The following DDHD1 variants were observed in gnomAD, a reference collection of about 807,000 sequenced individuals.
The protein encoded by DDHD1 is DDHD domain containing 1, also known as phospholipase DDHD1.
Under a neutral mutation model 96.4 loss-of-function variants are expected in DDHD1, and 49 were observed. That is an observed-to-expected ratio of 0.51 (90% CI 0.40 to 0.64). The LOEUF is 0.64. Ranked by LOEUF, DDHD1 falls within the 30% of genes least tolerant of loss-of-function variation. The pLI, the probability that DDHD1 is intolerant of heterozygous loss-of-function variation, is 0.00. For synonymous variants in DDHD1, 442 were observed against 446.5 expected (o/e 0.99, Z 0.13); for missense variants, 1,106 against 1,161.2 (o/e 0.95, Z 0.69).
intron 2 of DDHD1, among the ~76,000 whole-genome samples, chr14:53,100,246 C>G (rs1566565057): frequency 6.6e-6 from 1 of 151,858 alleles, no homozygotes; most frequent in Non-Finnish European, 1.5e-5. Context: ...GGGGCTGAAG[C>G]AGGAGGAACA....
intron 7 of DDHD1, 66 bp from the exon 8 acceptor site, chr14:53,061,267 T>C: frequency 1.4e-6 from 2 of 1,419,244 alleles, no homozygotes; most frequent in Non-Finnish European, 1.9e-6. Flanking sequence ...AGATGCTTGC[T>C]AGCTTACTAA....
chr14:53,131,707 ACTTT>A (rs1889879324), intron 1 of DDHD1, among the ~76,000 whole-genome samples: 1 of 152,038 alleles, frequency 6.6e-6, no homozygotes, highest in African/African-American at 2.4e-5. Context: ...TTCATGATTT[ACTTT>A]CTTTCCATCC....
chr14:53,109,946 G>A (rs1317524422), intron 1 of DDHD1, among the ~76,000 whole-genome samples: 2 of 152,132 alleles, frequency 1.3e-5, no homozygotes, highest in African/African-American at 2.4e-5. Flanking sequence ...AGCAGTAGAG[G>A]TTCTTTACTG....
At chr14:53,083,775 T>A (rs1029878718) in intron 4 of DDHD1, among the ~76,000 whole-genome samples, 1 of 152,200 alleles carries the variant, frequency 6.6e-6, no homozygotes, top group African/African-American at 2.4e-5. Flanking sequence ...GATTTTCCCA[T>A]CTTTCTCTCT....
chr14:53,121,935 A>AAAAG (rs1555340237), intron 1 of DDHD1, among the ~76,000 whole-genome samples: 21 of 149,950 alleles, frequency 1.4e-4, no homozygotes, highest in African/African-American at 5.1e-4. Context: ...AAAAAAAAAA[A>AAAAG]GGGCAAATGA....
chr14:53,059,190 T>C (rs1022201105), intron 8 of DDHD1, among the ~76,000 whole-genome samples: 3 of 152,206 alleles, frequency 2.0e-5, no homozygotes, highest in Non-Finnish European at 4.4e-5. Context: ...TCCAGGCTGA[T>C]AGAACCAAAT....
At chr14:53,077,682 A>T (rs550964745) in intron 4 of DDHD1, among the ~76,000 whole-genome samples, 2,335 of 135,796 alleles carry the variant, frequency 0.017, 53 homozygotes, top group African/African-American at 0.063. Flanking sequence ...TTTTTTTTTT[A>T]AAAAACAATT....
chr14:53,094,473 G>T (rs1323123367), intron 2 of DDHD1, among the ~76,000 whole-genome samples: 1 of 152,194 alleles, frequency 6.6e-6, no homozygotes, highest in Non-Finnish European at 1.5e-5. Flanking sequence ...GGCTTAGGCA[G>T]GAGGATCACT....
intron 7 of DDHD1, chr14:53,061,451 G>A (rs1883547010): frequency 2.8e-6 from 1 of 351,150 alleles, no homozygotes; most frequent in East Asian, 5.0e-5. Context: ...AGTAAAATGT[G>A]AGTCATATAC....
intron 10 of DDHD1, 117 bp from the exon 11 acceptor site, chr14:53,054,746 C>A: frequency 2.2e-6 from 2 of 923,362 alleles, no homozygotes; most frequent in South Asian, 2.0e-5. Context: ...TCATGTTTTT[C>A]CAGGGTGGGA....
At chr14:53,086,194 C>T (rs1243475347) in intron 4 of DDHD1, among the ~76,000 whole-genome samples, 1 of 152,150 alleles carries the variant, frequency 6.6e-6, no homozygotes, top group Non-Finnish European at 1.5e-5. Context: ...CTGAAAGTGA[C>T]GGGGAGAACT....
At chr14:53,085,889 G>A (rs1885905689) in intron 4 of DDHD1, among the ~76,000 whole-genome samples, 1 of 152,140 alleles carries the variant, frequency 6.6e-6, no homozygotes, top group African/African-American at 2.4e-5. Context: ...TTGCAAGGAA[G>A]CTAAAAACCT....
At chr14:53,145,687 A>T (rs1434562602) in intron 1 of DDHD1, among the ~76,000 whole-genome samples, 1 of 152,102 alleles carries the variant, frequency 6.6e-6, no homozygotes. Flanking sequence ...TCTAGCACAT[A>T]AAAGCTTAAC....
intron 1 of DDHD1, among the ~76,000 whole-genome samples, chr14:53,143,761 T>C (rs1890801095): frequency 1.3e-5 from 2 of 152,236 alleles, no homozygotes; most frequent in Non-Finnish European, 2.9e-5. Context: ...TTAGGCTAAA[T>C]TGTAGGATCT....
chr14:53,096,496 A>T (rs1483121905), intron 2 of DDHD1, among the ~76,000 whole-genome samples: 2 of 152,066 alleles, frequency 1.3e-5, no homozygotes, highest in Admixed American at 6.5e-5. Flanking sequence ...AAGAATTTTT[A>T]AAAAAGAACA....
intron 4 of DDHD1, 121 bp from the exon 5 acceptor site, chr14:53,073,968 G>A (rs944977105): frequency 1.5e-5 from 12 of 818,882 alleles, no homozygotes; most frequent in Non-Finnish European, 2.0e-5. Context: ...GCTTTGTCCA[G>A]TTACATTCCA....
intron 12 of DDHD1, among the ~76,000 whole-genome samples, chr14:53,049,851 G>A (rs1219197073): frequency 3.9e-5 from 6 of 151,962 alleles, no homozygotes; most frequent in Admixed American, 2.0e-4. Context: ...TTTAAAACAC[G>A]GATTATTTTC....
At chr14:53,069,535 G>A (rs900099751) in intron 6 of DDHD1, among the ~76,000 whole-genome samples, 4 of 152,156 alleles carry the variant, frequency 2.6e-5, no homozygotes, top group East Asian at 1.9e-4. Context: ...ATAGTATAGT[G>A]TAACCATAAT....
At chr14:53,106,324 T>C (rs1053912649) in intron 1 of DDHD1, among the ~76,000 whole-genome samples, 2 of 152,160 alleles carry the variant, frequency 1.3e-5, no homozygotes, top group African/African-American at 4.8e-5. Context: ...CTTTATTTCT[T>C]TGAGTTTTTA....
Sources: allele counts gnomAD v4.1 joint callset (sites outside exome capture counted in the v4.1 genomes callset), GRCh38; gene constraint gnomAD v4.1.1; transcripts MANE v1.5; gene names NCBI Gene and HGNC (gene_info 2026-07-23, HGNC 2026-07-21).